The following GRIK4 variants were observed in gnomAD, a reference collection of about 807,000 sequenced individuals.
GRIK4 encodes glutamate ionotropic receptor kainate type subunit 4, also known as glutamate receptor ionotropic, kainate 4.
A neutral mutation model predicts 104.9 loss-of-function variants in GRIK4; 40 were observed. The observed-to-expected ratio is 0.38, with a 90% CI of 0.30 to 0.50. GRIK4 has a LOEUF of 0.50. Ranked by LOEUF, GRIK4 falls within the 20% of genes least tolerant of loss-of-function variation. The probability of loss-of-function intolerance (pLI) is 0.93; values close to 1 mark genes in which losing one functional copy is unlikely to be tolerated. For missense variants in GRIK4, 1,047 were observed against 1,308.1 expected (o/e 0.80, Z 3.08); for synonymous variants, 485 against 524.9 (o/e 0.92, Z 1.04).
At chr11:120,724,984 G>C (rs113895047) in intron 3 of GRIK4, among the ~76,000 whole-genome samples, 1,735 of 150,700 alleles carry the variant, frequency 0.012, 26 homozygotes, top group African/African-American at 0.041. Flanking sequence ...ATGTCTTCTA[G>C]TTTAGTCTTG....
At chr11:120,648,588 C>A (rs1280636329) in intron 1 of GRIK4, among the ~76,000 whole-genome samples, 2 of 152,140 alleles carry the variant, frequency 1.3e-5, no homozygotes, top group African/African-American at 2.4e-5. Context: ...GCAGCCAGAG[C>A]ATAGGCTGTG....
chr11:120,935,014 G>A (rs1943565845), intron 13 of GRIK4, among the ~76,000 whole-genome samples: 1 of 152,116 alleles, frequency 6.6e-6, no homozygotes, highest in Non-Finnish European at 1.5e-5. Flanking sequence ...GCTCTTCACT[G>A]ACGAGTCTGG....
intron 1 of GRIK4, among the ~76,000 whole-genome samples, chr11:120,576,977 C>A (rs1465502927): frequency 6.6e-6 from 1 of 152,216 alleles, no homozygotes; most frequent in Non-Finnish European, 1.5e-5. Flanking sequence ...CCTTCACTTT[C>A]TTGTCGTATT....
At position 120,761,018 on chromosome 11, in the gene GRIK4, G is replaced by A. The variant is rs184686977; in HGVS notation, c.83-41675G>A. ...TCTAGCTCTAGATCCTTGAGGAATC[G>A]CCACACTGTCTTCCACAATGGTTGA... is the stretch of plus-strand genomic sequence containing the variant. On this transcript the variant is annotated intron_variant, in intron 3 of 20. Transcript: ENST00000527524. Among the ~76,000 whole-genome samples the A allele has an allele frequency of 6.6e-5, 10 of 152,206 alleles. No individual in the cohort carries two copies. In the East Asian group the frequency reaches 1.4e-3, roughly 21 times the overall value.
intron 19 of GRIK4, among the ~76,000 whole-genome samples, chr11:120,975,711 G>C (rs563789638): frequency 2.0e-4 from 30 of 152,286 alleles, no homozygotes; most frequent in African/African-American, 7.2e-4. Flanking sequence ...TCCCAGGAAT[G>C]TGTTCAGTCA....
At chr11:120,775,929 G>A (rs1952033242) in intron 3 of GRIK4, among the ~76,000 whole-genome samples, 1 of 152,196 alleles carries the variant, frequency 6.6e-6, no homozygotes, top group South Asian at 2.1e-4. Context: ...GCCCTCTTTT[G>A]CCACCTGGTT....
chr11:120,793,481 C>G (rs1438053883), intron 3 of GRIK4, among the ~76,000 whole-genome samples: 1 of 152,108 alleles, frequency 6.6e-6, no homozygotes, highest in Non-Finnish European at 1.5e-5. Flanking sequence ...TTGTCTGGAG[C>G]CCTCGTTACC....
intron 20 of GRIK4, 117 bp from the exon 21 acceptor site, chr11:120,985,787 C>A: frequency 1.1e-6 from 1 of 870,978 alleles, no homozygotes; most frequent in Non-Finnish European, 1.8e-6. Context: ...CATCTTCATA[C>A]TTAAGATGAC....
rs7123285 is a variant in GRIK4, at chr11:120,902,960, C to T, written c.1273-2330C>T. Among the ~76,000 whole-genome samples the T allele has an allele frequency of 0.056, 8,556 of 152,178 alleles. 801 individuals are homozygous for T. Among genetic ancestry groups the T allele is most frequent in the African/African-American group, 0.19 (8,078 of 41,454 alleles). The stretch of plus-strand genomic sequence containing the variant: ...ACCTTCCACTCAGAGCTCCCGCTCC[C>T]TGACACATGACCTTTGCCTTCTGGC... On this transcript the variant is annotated intron_variant, in intron 12 of 20. Coordinates refer to ENST00000527524, the MANE Select transcript of GRIK4 (RefSeq NM_014619.5). The surrounding 1 kb of genome is among the most constrained non-coding windows in gnomAD (Gnocchi z 4.5).
chr11:120,575,545 G>A (rs1182152775), intron 1 of GRIK4, among the ~76,000 whole-genome samples: 4 of 152,264 alleles, frequency 2.6e-5, no homozygotes, highest in South Asian at 4.1e-4. Flanking sequence ...GCTGAATGGG[G>A]TGTGCTACTT....
chr11:120,586,399 G>C (rs1948664492), intron 1 of GRIK4, among the ~76,000 whole-genome samples: 1 of 152,132 alleles, frequency 6.6e-6, no homozygotes, highest in African/African-American at 2.4e-5. Flanking sequence ...GGCTGGGAGA[G>C]AAAGCAGGGC....
At chr11:120,629,407 T>G (rs1260537339) in intron 1 of GRIK4, among the ~76,000 whole-genome samples, 1 of 152,118 alleles carries the variant, frequency 6.6e-6, no homozygotes, top group African/African-American at 2.4e-5. Context: ...TTGTTCCGAG[T>G]ACACGCATAT....
intron 8 of GRIK4, among the ~76,000 whole-genome samples, chr11:120,859,557 G>A (rs574536171): frequency 1.1e-4 from 16 of 152,282 alleles, no homozygotes; most frequent in African/African-American, 3.9e-4. Flanking sequence ...TGCCCACAAT[G>A]ATAAGGAAGC....
At chr11:120,774,902 C>A (rs1326217609) in intron 3 of GRIK4, among the ~76,000 whole-genome samples, 1 of 152,154 alleles carries the variant, frequency 6.6e-6, no homozygotes, top group Non-Finnish European at 1.5e-5. Context: ...ACCTAAATGA[C>A]AGCAGAGGGC....
intron 13 of GRIK4, among the ~76,000 whole-genome samples, chr11:120,909,335 C>A (rs1443541030): frequency 6.6e-6 from 1 of 152,216 alleles, no homozygotes; most frequent in East Asian, 1.9e-4. Context: ...CTCTCAATGC[C>A]CCTTTTCTTG....
chr11:120,809,364 C>G (rs1264251490), intron 4 of GRIK4, among the ~76,000 whole-genome samples: 1 of 152,242 alleles, frequency 6.6e-6, no homozygotes, highest in Non-Finnish European at 1.5e-5. Flanking sequence ...TCCTGTGCCT[C>G]CTGCAAACTG....
intron 3 of GRIK4, among the ~76,000 whole-genome samples, chr11:120,787,743 G>T (rs575935947): frequency 1.5e-4 from 23 of 151,928 alleles, no homozygotes; most frequent in African/African-American, 5.3e-4. Flanking sequence ...GATTACAGGT[G>T]TGAGCCACCG....
At chr11:120,822,974 G>T (rs997207525) in intron 6 of GRIK4, among the ~76,000 whole-genome samples, 1 of 152,238 alleles carries the variant, frequency 6.6e-6, no homozygotes, top group South Asian at 2.1e-4. Flanking sequence ...CCACTGGGTG[G>T]TTTTCCTCCT....
rs559727273 is a variant in GRIK4 at position 120,744,582 on chromosome 11, G to T, written c.83-58111G>T. On this transcript the variant is annotated intron_variant, in intron 3 of 20. Coordinates refer to ENST00000527524, the MANE Select transcript of GRIK4 (RefSeq NM_014619.5). ...GCAACTGACTGGGCAGTCAGAGAAT[G>T]GAGTGTTCCCTTTCTTGGAAGAGGA... Among the ~76,000 whole-genome samples the T allele has an allele frequency of 3.9e-3, 587 of 152,262 alleles. 3 individuals carry two copies. Among genetic ancestry groups the T allele is most frequent in the Non-Finnish European group, 6.2e-3 (421 of 68,004 alleles).
Sources: allele counts gnomAD v4.1 joint callset (sites outside exome capture counted in the v4.1 genomes callset), GRCh38; gene constraint gnomAD v4.1.1; non-coding constraint Gnocchi (gnomAD v3.1); transcripts MANE v1.5; gene names NCBI Gene and HGNC (gene_info 2026-07-23, HGNC 2026-07-21).